Variants in FERMT2 observed in about 807,000 individuals in gnomAD.
The protein encoded by FERMT2 is fermitin family homolog 2.
Under a neutral mutation model 82.7 loss-of-function variants are expected in FERMT2, and 15 were observed. That is an observed-to-expected ratio of 0.18 (90% CI 0.12 to 0.28). The LOEUF is 0.28. Among genes scored for constraint, FERMT2 ranks in the 10% least tolerant of loss-of-function variants. FERMT2 has a pLI of 1.00. For missense variants in FERMT2, 645 were observed against 809.4 expected (o/e 0.80, Z 2.46); for synonymous variants, 274 against 271.5 (o/e 1.01, Z -0.09).
At chr14:52,947,961 C>T (rs966026023) in intron 2 of FERMT2, among the ~76,000 whole-genome samples, 5 of 152,136 alleles carry the variant, frequency 3.3e-5, no homozygotes, top group African/African-American at 1.2e-4. Flanking sequence ...ATTCATATAC[C>T]GTCCAACAGA....
intron 2 of FERMT2, among the ~76,000 whole-genome samples, chr14:52,940,973 C>T (rs2139698144): frequency 6.6e-6 from 1 of 152,270 alleles, no homozygotes; most frequent in Admixed American, 6.5e-5. Context: ...ACCCAGCAAT[C>T]CCACACCTAG....
chr14:52,861,482 AT>A (rs1884937214), intron 12 of FERMT2: 1 of 157,648 alleles, frequency 6.3e-6, no homozygotes, highest in Admixed American at 6.5e-5. Flanking sequence ...GTCAGATAAT[AT>A]GATCCATGCA....
intron 12 of FERMT2, chr14:52,860,674 A>G (rs1335222055): frequency 1.4e-5 from 8 of 574,060 alleles, no homozygotes; most frequent in Admixed American, 3.5e-5. Flanking sequence ...CAGTTTTCAT[A>G]TATCAACAAA....
In FERMT2 at chr14:52,857,637, T is replaced by C. The variant is rs1884650546; in HGVS notation, c.*740A>G. The C allele has an allele frequency of 6.5e-6, 1 of 152,682 alleles. No homozygotes were observed. Among genetic ancestry groups the C allele is most frequent in the African/African-American group, 2.4e-5 (1 of 41,472 alleles). The allele number at this position is 152,682 out of a possible 1,614,324, so 9.5% of individuals were successfully genotyped here. A position where few individuals can be genotyped will look rare whatever the true frequency, so the allele number is the denominator to read the frequency against. On this transcript the variant is annotated 3_prime_UTR_variant, in exon 15 of 15. Coordinates refer to ENST00000341590, the MANE Select transcript of FERMT2 (RefSeq NM_006832.3). ...GTTTTTAAAAAACTGTACAATTTTA[T>C]AAAATTTGTGTTTTTACATTAGTTA...
chr14:52,893,651 C>T (rs1170690733), intron 3 of FERMT2, among the ~76,000 whole-genome samples: 1 of 152,052 alleles, frequency 6.6e-6, no homozygotes, highest in African/African-American at 2.4e-5. Context: ...GTGGAAATAA[C>T]AATCTACTAG....
intron 2 of FERMT2, among the ~76,000 whole-genome samples, chr14:52,925,234 G>A (rs1889187323): frequency 6.6e-6 from 1 of 152,114 alleles, no homozygotes; most frequent in Non-Finnish European, 1.5e-5. Context: ...GCCCAGGCAA[G>A]CATAAAAACT....
chr14:52,891,285 C>A (rs926712224), intron 4 of FERMT2, among the ~76,000 whole-genome samples: 2 of 152,162 alleles, frequency 1.3e-5, no homozygotes, highest in African/African-American at 4.8e-5. Flanking sequence ...GCTGAATTCA[C>A]AAACTTTGTT....
chr14:52,873,108 A>G (rs1429311242), intron 9 of FERMT2, among the ~76,000 whole-genome samples, 185 bp from the exon 10 acceptor site: 3 of 152,144 alleles, frequency 2.0e-5, no homozygotes, highest in Non-Finnish European at 4.4e-5. Context: ...TCCCTTCTCA[A>G]TCTACTCTAG....
rs1886213412 is a variant in FERMT2 at position 52,880,331 on chromosome 14, C to A, written c.855+705G>T. On this transcript the variant is annotated intron_variant, in intron 6 of 14. Transcript: ENST00000341590. ...ATCTAAAAGTAATTGAAAAGGTAAC[C>A]TTTTTGAAACTTTTATTTAAATATA... Among the ~76,000 whole-genome samples the A allele has an allele frequency of 2.0e-5, 3 of 152,236 alleles. No homozygotes were observed. The South Asian group carries it at 6.2e-4, about 32-fold the overall frequency.
chr14:52,946,421 G>C (rs1443140199), intron 2 of FERMT2, among the ~76,000 whole-genome samples: 1 of 150,690 alleles, frequency 6.6e-6, no homozygotes, highest in Admixed American at 6.6e-5. Context: ...GGGAGGCCAA[G>C]GTGGAAGGAC....
chr14:52,914,469 C>A (rs751842556), intron 3 of FERMT2, among the ~76,000 whole-genome samples: 2 of 152,110 alleles, frequency 1.3e-5, no homozygotes, highest in African/African-American at 4.8e-5. Flanking sequence ...CCATTTAAGT[C>A]AGGAACAACA....
intron 2 of FERMT2, among the ~76,000 whole-genome samples, chr14:52,927,590 T>TAAAAAAAAAAAAAAA (rs1566755584): frequency 9.3e-4 from 11 of 11,810 alleles, no homozygotes; most frequent in African/African-American, 2.8e-3. Context: ...ACCTCATCCC[T>TAAAAAAAAAAAAAAA]ATAAAAAAAA....
chr14:52,876,847 G>T (rs1885986289), intron 7 of FERMT2, among the ~76,000 whole-genome samples: 2 of 152,114 alleles, frequency 1.3e-5, no homozygotes, highest in African/African-American at 4.8e-5. Context: ...TCTGGTACTA[G>T]TTGGCTTCCT....
chr14:52,942,385 C>T (rs1292019090), intron 2 of FERMT2, among the ~76,000 whole-genome samples: 1 of 150,914 alleles, frequency 6.6e-6, no homozygotes, highest in Non-Finnish European at 1.5e-5. Flanking sequence ...TCACTGCAAG[C>T]TCCCCCTTCT....
chr14:52,859,376 G>T, intron 14 of FERMT2, 197 bp downstream of exon 14: 1 of 485,502 alleles, frequency 2.1e-6, no homozygotes, highest in Non-Finnish European at 3.5e-6. Flanking sequence ...AGCAAATTAT[G>T]CACTTAGAAT....
chr14:52,879,791 G>A (rs565526628), intron 6 of FERMT2, among the ~76,000 whole-genome samples: 1 of 152,260 alleles, frequency 6.6e-6, no homozygotes, highest in South Asian at 2.1e-4. Context: ...TGAAAGAGAA[G>A]TAAAAGATTC....
At chr14:52,948,672 T>C (rs567403027) in intron 2 of FERMT2, 9 of 433,284 alleles carry the variant, frequency 2.1e-5, no homozygotes, top group Non-Finnish European at 4.1e-5. Context: ...TTATTCTCTA[T>C]ATTTCTATTT....
intron 1 of FERMT2, 65 bp from the exon 2 acceptor site, chr14:52,950,642 A>G: frequency 1.3e-6 from 2 of 1,515,948 alleles, no homozygotes; most frequent in Non-Finnish European, 1.8e-6. Context: ...AATCCCACCG[A>G]ATTCGCAGCG....
At chr14:52,908,663 TGC>T (rs1197611028) in intron 3 of FERMT2, among the ~76,000 whole-genome samples, 3 of 152,194 alleles carry the variant, frequency 2.0e-5, no homozygotes, top group African/African-American at 7.2e-5. Flanking sequence ...TAAAGAGGAC[TGC>T]CAGCAGAGGG....
Sources: allele counts gnomAD v4.1 joint callset (sites outside exome capture counted in the v4.1 genomes callset), GRCh38; gene constraint gnomAD v4.1.1; transcripts MANE v1.5; gene names NCBI Gene and HGNC (gene_info 2026-07-23, HGNC 2026-07-21).